RARB: variants seen among roughly 807,000 people sequenced by gnomAD.
The protein encoded by RARB is retinoic acid receptor beta, also known as HBV-activated protein.
Under a neutral mutation model 51.9 loss-of-function variants are expected in RARB, and 17 were observed. The ratio of observed to expected loss-of-function variants is 0.33; its 90% CI spans 0.22 to 0.49. The LOEUF (loss-of-function observed/expected upper bound fraction) is 0.49. Ranked by LOEUF, RARB falls within the 20% of genes least tolerant of loss-of-function variation. The probability of loss-of-function intolerance (pLI) is 0.99; values close to 1 mark genes in which losing one functional copy is unlikely to be tolerated. For missense variants in RARB, 369 were observed against 550.8 expected, an observed-to-expected ratio of 0.67 and a Z score of 3.30; for synonymous variants, 215 against 195.4, an observed-to-expected ratio of 1.10 and a Z score of -0.84.
At chr3:25,322,237 C>G (rs1280453070) in intron 5 of RARB, among the ~76,000 whole-genome samples, 1 of 152,042 alleles carries the variant, frequency 6.6e-6, no homozygotes, top group Non-Finnish European at 1.5e-5. Context: ...AAGCAAGCTT[C>G]CTACCTCATT....
At chr3:25,433,254 A>T (rs1185763355) in intron 1 of RARB, among the ~76,000 whole-genome samples, 1 of 151,794 alleles carries the variant, frequency 6.6e-6, no homozygotes, top group African/African-American at 2.4e-5. Context: ...CACATAAATC[A>T]TTGAAATATG....
At chr3:25,446,471 A>G (rs1708935660) in intron 1 of RARB, among the ~76,000 whole-genome samples, 1 of 152,212 alleles carries the variant, frequency 6.6e-6, no homozygotes, top group Non-Finnish European at 1.5e-5. Context: ...AGTATTTCCT[A>G]TCTGACCATT....
intron 5 of RARB, among the ~76,000 whole-genome samples, chr3:25,219,875 C>A (rs1045285746): frequency 6.6e-6 from 1 of 152,092 alleles, no homozygotes; most frequent in Admixed American, 6.6e-5. Context: ...AGCCTTGATA[C>A]AGGAAAAAAT....
chr3:24,895,071 A>C (rs1703451181), intron 2 of RARB, among the ~76,000 whole-genome samples: 1 of 152,202 alleles, frequency 6.6e-6, no homozygotes, highest in South Asian at 2.1e-4. Flanking sequence ...AATCTGTTTT[A>C]TGGCATTTAG....
Position 25,594,693 on chromosome 3 carries a change from T to C in RARB, c.1150+15T>C. The C allele has an allele frequency of 6.3e-7, 1 of 1,599,800 alleles. No individual in the cohort carries two copies. The highest frequency in any genetic ancestry group is 8.5e-7 in the Non-Finnish European group (1 of 1,174,358). Reference sequence around the variant, plus strand: ...CAGTGCTAAAGGTATGTCTTCGTGCTCTCAGTACTGTAGTCACACAGTGGA... The same window carrying C: ...CAGTGCTAAAGGTATGTCTTCGTGCCCTCAGTACTGTAGTCACACAGTGGA... On this transcript the variant is annotated intron_variant, in intron 7 of 7. Transcript: ENST00000330688.
At chr3:25,244,089 T>G (rs1302018999) in intron 5 of RARB, among the ~76,000 whole-genome samples, 2 of 152,178 alleles carry the variant, frequency 1.3e-5, no homozygotes, top group Non-Finnish European at 2.9e-5. Flanking sequence ...TTTTCTAGTT[T>G]ATTTATGTAA....
intron 2 of RARB, among the ~76,000 whole-genome samples, chr3:24,885,975 G>C (rs1703258940): frequency 6.6e-6 from 1 of 152,124 alleles, no homozygotes; most frequent in Admixed American, 6.5e-5. Context: ...GAGTGATTTA[G>C]GGGACTTTCA....
intron 2 of RARB, among the ~76,000 whole-genome samples, chr3:24,965,032 G>A (rs1696223994): frequency 6.6e-6 from 1 of 152,076 alleles, no homozygotes; most frequent in Admixed American, 6.6e-5. Context: ...GATAGAACTG[G>A]AACTAAATTC....
chr3:24,944,921 G>A (rs568678425), intron 2 of RARB, among the ~76,000 whole-genome samples: 77 of 152,254 alleles, frequency 5.1e-4, no homozygotes, highest in African/African-American at 1.3e-3. Flanking sequence ...AACATTAAGG[G>A]TTTGGAGGAG....
chr3:24,918,724 C>G (rs1329472107), intron 2 of RARB, among the ~76,000 whole-genome samples: 1 of 152,092 alleles, frequency 6.6e-6, no homozygotes, highest in Non-Finnish European at 1.5e-5. Flanking sequence ...AACCCTGTCT[C>G]TACTAAAACT....
intron 5 of RARB, among the ~76,000 whole-genome samples, chr3:25,377,029 G>C (rs1559377373): frequency 6.6e-6 from 1 of 152,224 alleles, no homozygotes; most frequent in East Asian, 1.9e-4. Context: ...TTGTTTGTTT[G>C]TTTGTTTGTT....
At chr3:24,875,258 A>G (rs746750214) in intron 2 of RARB, among the ~76,000 whole-genome samples, 2 of 152,120 alleles carry the variant, frequency 1.3e-5, no homozygotes, top group African/African-American at 4.8e-5. Flanking sequence ...TTGATACTAT[A>G]TCTAGGAAAT....
chr3:25,580,510 G>GA (rs1463391850), intron 4 of RARB, 36 bp from the exon 5 acceptor site: 1 of 1,513,962 alleles, frequency 6.6e-7, no homozygotes, highest in African/African-American at 1.4e-5. Flanking sequence ...GAGCTTCCCG[G>GA]AAACTGTATC....
At chr3:25,102,790 G>T (rs547528994) in intron 3 of RARB, among the ~76,000 whole-genome samples, 1 of 152,088 alleles carries the variant, frequency 6.6e-6, no homozygotes, top group South Asian at 2.1e-4. Flanking sequence ...TGTGGCTCAC[G>T]CCTGTAATCC....
chr3:25,215,571 G>A (rs1296189640), intron 5 of RARB, among the ~76,000 whole-genome samples: 2 of 152,176 alleles, frequency 1.3e-5, no homozygotes, highest in Non-Finnish European at 2.9e-5. Context: ...GCAGGAGGAA[G>A]TTCTGCCTTG....
chr3:24,960,666 A>G (rs1293647194), intron 2 of RARB, among the ~76,000 whole-genome samples: 1 of 152,246 alleles, frequency 6.6e-6, no homozygotes, highest in Non-Finnish European at 1.5e-5. Context: ...AATGCTGTGA[A>G]TGGAATGATT....
chr3:25,461,428 G>C lies in RARB; in HGVS notation c.306+87G>C, dbSNP rs1695174280. The C allele has an allele frequency of 9.1e-6, 13 of 1,436,390 alleles. No homozygotes were observed. The South Asian group carries it at 1.5e-4, about 17-fold the overall frequency. 89.0% of individuals were successfully genotyped at this position (1,436,390 alleles called of 1,614,324 possible). On this transcript the variant is annotated intron_variant, in intron 2 of 7. Coordinates refer to ENST00000330688, the MANE Select transcript of RARB (RefSeq NM_000965.5). ...CCTACCCAGTTCCAAAAATGGGCTG[G>C]ATGTGTAACATCACCTCCCATAAGT...
intron 2 of RARB, among the ~76,000 whole-genome samples, chr3:25,019,414 G>C (rs953762159): frequency 6.6e-6 from 1 of 152,120 alleles, no homozygotes; most frequent in African/African-American, 2.4e-5. Flanking sequence ...ATTGCTAGTG[G>C]GGTCCGGTTG....
chr3:24,905,555 G>GT (rs201820664), intron 2 of RARB, among the ~76,000 whole-genome samples: 2 of 152,208 alleles, frequency 1.3e-5, no homozygotes, highest in Non-Finnish European at 2.9e-5. Context: ...ACTAGGTAGA[G>GT]TTTTTGGACA....
Sources: allele counts gnomAD v4.1 joint callset (sites outside exome capture counted in the v4.1 genomes callset), GRCh38; gene constraint gnomAD v4.1.1; transcripts MANE v1.5; gene names NCBI Gene and HGNC (gene_info 2026-07-23, HGNC 2026-07-21).